PBX3: variants seen among roughly 807,000 people sequenced by gnomAD.
The protein encoded by PBX3 is PBX homeobox 3, also known as pre-B-cell leukemia transcription factor 3.
Under a neutral mutation model 48.5 loss-of-function variants are expected in PBX3, and 14 were observed. The ratio of observed to expected loss-of-function variants is 0.29; its 90% confidence interval spans 0.19 to 0.45. The LOEUF is 0.45. PBX3 is among the 20% of genes least tolerant of loss of function. The pLI, the probability that PBX3 is intolerant of heterozygous loss-of-function variation, is 1.00. For missense variants in PBX3, 386 were observed against 546.7 expected, an observed-to-expected ratio of 0.71 and a Z score of 2.93; for synonymous variants, 210 against 200.3, an observed-to-expected ratio of 1.05 and a Z score of -0.41.
At chr9:125,783,072 A>G (rs1323591736) in intron 2 of PBX3, among the ~76,000 whole-genome samples, 4 of 152,174 alleles carry the variant, frequency 2.6e-5, no homozygotes, top group East Asian at 1.9e-4. Context: ...TTTTGGATGT[A>G]TAATTTAATG....
At chr9:125,912,655 T>C (rs1833463497) in intron 2 of PBX3, among the ~76,000 whole-genome samples, 2 of 152,182 alleles carry the variant, frequency 1.3e-5, no homozygotes, top group Admixed American at 1.3e-4. Context: ...TTTTAAACTT[T>C]ATAATGTTGT....
intron 5 of PBX3, among the ~76,000 whole-genome samples, chr9:125,940,821 T>C (rs1457398306): frequency 6.6e-6 from 1 of 152,122 alleles, no homozygotes; most frequent in African/African-American, 2.4e-5. Flanking sequence ...AGATTAATAG[T>C]TATTTTTGGG....
intron 2 of PBX3, among the ~76,000 whole-genome samples, chr9:125,805,023 T>C (rs2132108424): frequency 6.7e-6 from 1 of 148,254 alleles, no homozygotes; most frequent in East Asian, 2.0e-4. Context: ...TTATATTTTG[T>C]TGGGGGAACA....
At chr9:125,941,081 T>TTG (rs1841949742) in intron 5 of PBX3, among the ~76,000 whole-genome samples, 1 of 152,190 alleles carries the variant, frequency 6.6e-6, no homozygotes, top group Non-Finnish European at 1.5e-5. Flanking sequence ...ATAGTTGCTC[T>TTG]TGACAAATGA....
chr9:125,765,115 C>T (rs867594457), intron 2 of PBX3, among the ~76,000 whole-genome samples: 2 of 151,154 alleles, frequency 1.3e-5, no homozygotes, highest in Admixed American at 1.3e-4. Flanking sequence ...TAAATGGCAT[C>T]GTTTAAAGTT....
intron 2 of PBX3, among the ~76,000 whole-genome samples, chr9:125,914,676 C>G (rs575128728): frequency 2.0e-5 from 3 of 152,190 alleles, no homozygotes; most frequent in Admixed American, 6.5e-5. Flanking sequence ...CCCCAAGAAG[C>G]CTTGTAACTA....
Position 125,809,026 on chromosome 9 carries a change from C to T in PBX3, c.274+60403C>T, listed in dbSNP as rs889132970. The stretch of plus-strand genomic sequence containing the variant: ...AACAGGGACACCAGACAGCACTTAC[C>T]GCTGTTCTTGAGTGCCATTTTAAAC... On this transcript the variant is annotated intron_variant, in intron 2 of 8. Coordinates refer to ENST00000373489, the MANE Select transcript of PBX3 (RefSeq NM_006195.6). Among the ~76,000 whole-genome samples the T allele has an allele frequency of 6.6e-5, 10 of 152,060 alleles. No homozygotes were observed. The East Asian group carries it at 9.7e-4, about 15-fold the overall frequency.
At chr9:125,830,565 A>G (rs1001844235) in intron 2 of PBX3, among the ~76,000 whole-genome samples, 5 of 152,148 alleles carry the variant, frequency 3.3e-5, no homozygotes, top group African/African-American at 7.2e-5. Context: ...GGCTACTTAC[A>G]TAAAGAACTA....
chr9:125,889,764 C>T (rs1415402500), intron 2 of PBX3, among the ~76,000 whole-genome samples: 2 of 150,310 alleles, frequency 1.3e-5, no homozygotes, highest in Non-Finnish European at 3.0e-5. Context: ...CGGCGGGGAG[C>T]GGGGCCGGGC....
chr9:125,884,584 T>A (rs12553980), intron 2 of PBX3, among the ~76,000 whole-genome samples: 81,324 of 152,052 alleles, frequency 0.53, 23,935 homozygotes, highest in South Asian at 0.65. Context: ...CCTTTCCCAG[T>A]TAAGCAATGG....
intron 5 of PBX3, among the ~76,000 whole-genome samples, chr9:125,936,729 G>A (rs978869365): frequency 2.3e-4 from 35 of 152,018 alleles, no homozygotes; most frequent in African/African-American, 6.3e-4. Flanking sequence ...TTCATTCAAG[G>A]TTTATTGTCA....
rs150830616 is a variant in PBX3, at chr9:125,857,081, T to A, written c.275-58605T>A. 2.8e-3 allele frequency among the ~76,000 whole-genome samples: 423 copies of A among 152,256 alleles called. 2 individuals are homozygous for A. Among genetic ancestry groups the A allele is most frequent in the African/African-American group, 9.5e-3 (396 of 41,560 alleles). On this transcript the variant is annotated intron_variant, in intron 2 of 8. Coordinates refer to ENST00000373489, the MANE Select transcript of PBX3 (RefSeq NM_006195.6). The stretch of plus-strand genomic sequence containing the variant: ...TTGATATTAAATATGTGTGATAGAG[T>A]GCAAGCATACTGTGTTTCTTCACAA...
intron 2 of PBX3, among the ~76,000 whole-genome samples, chr9:125,868,600 A>G (rs575972556): frequency 6.6e-6 from 1 of 152,316 alleles, no homozygotes; most frequent in Non-Finnish European, 1.5e-5. Flanking sequence ...CCTAGAATGT[A>G]GGTTTTGAAG....
At chr9:125,818,840 T>G (rs147725744) in intron 2 of PBX3, among the ~76,000 whole-genome samples, 296 of 151,828 alleles carry the variant, frequency 1.9e-3, no homozygotes, top group South Asian at 4.2e-3. Flanking sequence ...TGATGATGAT[T>G]ATTATTATTA....
At chr9:125,882,026 C>T (rs996879563) in intron 2 of PBX3, among the ~76,000 whole-genome samples, 1 of 151,604 alleles carries the variant, frequency 6.6e-6, no homozygotes, top group Non-Finnish European at 1.5e-5. Flanking sequence ...CATAATGAGA[C>T]TTCATCTCTG....
In PBX3 at chr9:125,915,706, C is replaced by G. The variant is rs747120199; in HGVS notation, c.295C>G (p.Gln99Glu). ...TGAAGGTCTCAGCATCAGAGGAGCC[C>G]AGGAGGAGGACCCTCCCGATCCCCA... ...EKTGLSIRGA[Q>E]EEDPPDPQLM... Residue 99 changes from glutamine to glutamate, a missense_variant, in exon 3 of 9, where the codon CAG (glutamine) becomes GAG (glutamate). By Grantham distance (29) the Gln-to-Glu change is conservative. Transcript: ENST00000373489. 1 of 1,612,258 alleles carries G rather than the reference C, an allele frequency of 6.2e-7. No individual in the cohort carries two copies.
intron 2 of PBX3, among the ~76,000 whole-genome samples, chr9:125,903,676 A>G (rs550962663): frequency 6.6e-6 from 1 of 152,004 alleles, no homozygotes; most frequent in African/African-American, 2.4e-5. Context: ...TTAACAAATG[A>G]GAGTTCCCAA....
intron 3 of PBX3, among the ~76,000 whole-genome samples, chr9:125,918,906 G>T (rs1364972045): frequency 2.0e-5 from 3 of 152,140 alleles, no homozygotes; most frequent in African/African-American, 7.2e-5. Flanking sequence ...ATGCTTTGGC[G>T]TTACAAGAAG....
intron 3 of PBX3, among the ~76,000 whole-genome samples, chr9:125,927,212 C>G (rs1841597329): frequency 6.6e-6 from 1 of 152,148 alleles, no homozygotes; most frequent in Admixed American, 6.5e-5. Flanking sequence ...AAAAGCCCAC[C>G]AATCTGTAGA....
Sources: allele counts gnomAD v4.1 joint callset (sites outside exome capture counted in the v4.1 genomes callset), GRCh38; gene constraint gnomAD v4.1.1; transcripts MANE v1.5; gene names NCBI Gene and HGNC (gene_info 2026-07-23, HGNC 2026-07-21).